The following MAGI2 variants were observed in gnomAD, a reference collection of about 807,000 sequenced individuals.
MAGI2 encodes membrane associated guanylate kinase, WW and PDZ domain containing 2.
MAGI2 carries 35 observed loss-of-function variants against 133.3 expected under a neutral mutation model. That is an observed-to-expected ratio of 0.26 (90% confidence interval 0.20 to 0.35). The LOEUF (loss-of-function observed/expected upper bound fraction) is 0.35. MAGI2 is among the 10% of genes least tolerant of loss of function. The pLI, the probability that MAGI2 is intolerant of heterozygous loss-of-function variation, is 1.00. For synonymous variants in MAGI2, 729 were observed against 710.6 expected, an observed-to-expected ratio of 1.03 and a Z score of -0.41; for missense variants, 1,636 against 1,863.4, an observed-to-expected ratio of 0.88 and a Z score of 2.25.
At chr7:79,103,892 G>A (rs1280068468) in intron 1 of MAGI2, among the ~76,000 whole-genome samples, 2 of 151,656 alleles carry the variant, frequency 1.3e-5, no homozygotes, top group Non-Finnish European at 2.9e-5. Context: ...TAGTAGAGAC[G>A]GGGTTTCACC....
chr7:78,237,009 C>T (rs985185182), intron 10 of MAGI2, among the ~76,000 whole-genome samples: 1 of 152,140 alleles, frequency 6.6e-6, no homozygotes, highest in Non-Finnish European at 1.5e-5. Context: ...GGGGAAACCA[C>T]CCCATGATTC....
chr7:78,580,247 T>A (rs1032330489), intron 3 of MAGI2, among the ~76,000 whole-genome samples: 2 of 152,128 alleles, frequency 1.3e-5, no homozygotes, highest in African/African-American at 2.4e-5. Flanking sequence ...AATCTGACAG[T>A]ACAGAGCAAT....
chr7:78,936,746 T>C (rs1394745170), intron 2 of MAGI2, among the ~76,000 whole-genome samples: 1 of 152,034 alleles, frequency 6.6e-6, no homozygotes, highest in Admixed American at 6.6e-5. Flanking sequence ...TAAAGATAGG[T>C]TCCTCTACTG....
chr7:78,452,933 G>A (rs1031845363), intron 6 of MAGI2, among the ~76,000 whole-genome samples: 2 of 151,636 alleles, frequency 1.3e-5, no homozygotes, highest in Middle Eastern at 3.4e-3. Flanking sequence ...AGCTGATTGG[G>A]TTTCTCCTGA....
At chr7:78,281,915 C>A (rs972756104) in intron 9 of MAGI2, among the ~76,000 whole-genome samples, 2 of 150,692 alleles carry the variant, frequency 1.3e-5, no homozygotes, top group African/African-American at 4.9e-5. Flanking sequence ...ACTTGCCTGG[C>A]TTTCATGTTC....
At chr7:78,921,523 G>A (rs1799220676) in intron 2 of MAGI2, among the ~76,000 whole-genome samples, 1 of 152,024 alleles carries the variant, frequency 6.6e-6, no homozygotes, top group Non-Finnish European at 1.5e-5. Flanking sequence ...GCCTTACAAT[G>A]CTTCAATCAA....
chr7:78,632,986 A>G lies in MAGI2; in HGVS notation c.419-5747T>C, dbSNP rs561876516. ...GTATTCACAATAACAAAGACATGGA[A>G]TCAACCTATATGTTCTTCAGTGACA... On this transcript the variant is annotated intron_variant, in intron 2 of 21. Transcript: ENST00000354212. Among the ~76,000 whole-genome samples, 4 of 152,366 alleles carry G rather than the reference A, an allele frequency of 2.6e-5. No individual in the cohort carries two copies. The South Asian group carries it at 8.3e-4, about 32-fold the overall frequency.
chr7:79,223,911 T>A (rs1040905177), intron 1 of MAGI2, among the ~76,000 whole-genome samples: 3 of 152,024 alleles, frequency 2.0e-5, no homozygotes, highest in Non-Finnish European at 1.5e-5. Flanking sequence ...TAAGAAGGCA[T>A]CAGCTTAGTT....
chr7:78,299,006 A>G (rs1413906644), intron 9 of MAGI2, among the ~76,000 whole-genome samples: 2 of 149,538 alleles, frequency 1.3e-5, no homozygotes, highest in Non-Finnish European at 3.0e-5. Flanking sequence ...TAGTACAGAC[A>G]GGGTTTCTCT....
intron 1 of MAGI2, among the ~76,000 whole-genome samples, chr7:79,089,776 A>T (rs907831634): frequency 1.3e-5 from 2 of 152,002 alleles, no homozygotes; most frequent in Non-Finnish European, 2.9e-5. Flanking sequence ...TCTCATACAT[A>T]AGTGGGAGCT....
intron 1 of MAGI2, among the ~76,000 whole-genome samples, chr7:79,397,419 A>C (rs1480416629): frequency 6.6e-6 from 1 of 151,938 alleles, no homozygotes; most frequent in Non-Finnish European, 1.5e-5. Context: ...TTAAATTTAC[A>C]TTATCAGTTT....
intron 2 of MAGI2, among the ~76,000 whole-genome samples, chr7:78,781,634 T>C (rs79582634): frequency 5.3e-5 from 8 of 152,236 alleles, no homozygotes; most frequent in African/African-American, 1.9e-4. Context: ...ATAACCTACA[T>C]ATTCAATTGT....
At chr7:79,013,877 C>T (rs543450820) in intron 1 of MAGI2, among the ~76,000 whole-genome samples, 1 of 152,238 alleles carries the variant, frequency 6.6e-6, no homozygotes, top group Non-Finnish European at 1.5e-5. Context: ...ATTGAAGATG[C>T]CCTGGTTTGT....
At chr7:79,035,278 G>A (rs1032649296) in intron 1 of MAGI2, among the ~76,000 whole-genome samples, 1 of 151,880 alleles carries the variant, frequency 6.6e-6, no homozygotes, top group Non-Finnish European at 1.5e-5. Flanking sequence ...TTGAAATATT[G>A]TTCTATTGTT....
At chr7:78,812,813 C>T (rs1789193442) in intron 2 of MAGI2, among the ~76,000 whole-genome samples, 1 of 152,154 alleles carries the variant, frequency 6.6e-6, no homozygotes, top group Non-Finnish European at 1.5e-5. Context: ...TGAAATGGGA[C>T]TGATGAGCCC....
chr7:79,191,402 CTTT>C (rs71095386), intron 1 of MAGI2, among the ~76,000 whole-genome samples: 45 of 22,314 alleles, frequency 2.0e-3, no homozygotes, highest in African/African-American at 3.8e-3. Flanking sequence ...CTTTTTCTTT[CTTT>C]TTTTTTTTTT....
intron 1 of MAGI2, among the ~76,000 whole-genome samples, chr7:79,044,347 A>G (rs1053380119): frequency 6.6e-6 from 1 of 152,240 alleles, no homozygotes; most frequent in Non-Finnish European, 1.5e-5. Flanking sequence ...AATCATCTCA[A>G]TAGATCCAGA....
At chr7:78,181,623 A>G (rs1827197353) in intron 13 of MAGI2, among the ~76,000 whole-genome samples, 1 of 152,200 alleles carries the variant, frequency 6.6e-6, no homozygotes, top group Non-Finnish European at 1.5e-5. Flanking sequence ...CTCAGGCATT[A>G]TGGAACAAAG....
intron 13 of MAGI2, 38 bp from the exon 14 acceptor site, chr7:78,178,140 C>T (rs760994104): frequency 7.6e-7 from 1 of 1,314,896 alleles, no homozygotes; most frequent in East Asian, 2.3e-5. Context: ...ATGAATCCTG[C>T]CTCTTTCCCA....
Sources: gnomAD v4.1 joint callset for allele counts (sites outside exome capture counted in the v4.1 genomes callset) on GRCh38, gnomAD v4.1.1 for gene constraint, MANE v1.5 for transcripts, NCBI Gene and HGNC (gene_info 2026-07-23, HGNC 2026-07-21) for gene names.